The following FBXW8 variants were observed in gnomAD, a reference collection of about 807,000 sequenced individuals.
The protein encoded by FBXW8 is F-box and WD repeat domain containing 8.
Under a neutral mutation model 65.3 loss-of-function variants are expected in FBXW8, and 57 were observed. The observed-to-expected ratio is 0.87, with a 90% CI of 0.71 to 1.09. The LOEUF (loss-of-function observed/expected upper bound fraction) is 1.09, where lower values mean the gene tolerates loss of function less well. Among genes scored for constraint, FBXW8 ranks in the 50% least tolerant of loss-of-function variants. FBXW8 has a pLI of 0.00. For missense variants in FBXW8, 777 were observed against 814.8 expected (o/e 0.95, Z 0.57); for synonymous variants, 308 against 330.2 (o/e 0.93, Z 0.73).
At chr12:116,978,651 C>T (rs1885108071) in intron 5 of FBXW8, 1 of 152,100 alleles carries the variant, frequency 6.6e-6, no homozygotes, top group Non-Finnish European at 1.5e-5. Context: ...GATGGGAGCT[C>T]GCGGCTGAAA....
At chr12:116,917,471 C>A (rs149559262) in intron 1 of FBXW8, among the ~76,000 whole-genome samples, 1 of 152,234 alleles carries the variant, frequency 6.6e-6, no homozygotes, top group African/African-American at 2.4e-5. Context: ...TCCCTGCCCC[C>A]GTTTCTTCTC....
intron 4 of FBXW8, among the ~76,000 whole-genome samples, chr12:116,951,655 G>T (rs535586553): frequency 6.6e-6 from 1 of 152,202 alleles, no homozygotes; most frequent in South Asian, 2.1e-4. Context: ...CATCATTGAT[G>T]GAGAGCAGAA....
At chr12:116,938,932 G>A (rs1358545129) in intron 2 of FBXW8, among the ~76,000 whole-genome samples, 2 of 152,160 alleles carry the variant, frequency 1.3e-5, no homozygotes, top group Admixed American at 1.3e-4. Context: ...GTGCATCCAT[G>A]GGATCTCTGT....
intron 5 of FBXW8, among the ~76,000 whole-genome samples, chr12:116,970,824 C>T (rs1884606563): frequency 1.3e-5 from 2 of 152,054 alleles, no homozygotes. Flanking sequence ...TTTTCAAGGC[C>T]TTTGTTTTCC....
chr12:116,953,433 T>C (rs866576096), intron 4 of FBXW8, among the ~76,000 whole-genome samples: 1 of 152,186 alleles, frequency 6.6e-6, no homozygotes, highest in Admixed American at 6.5e-5. Context: ...TTGGCTATTA[T>C]AGCATCATTT....
chr12:117,019,362 T>C (rs1313949512), intron 8 of FBXW8, among the ~76,000 whole-genome samples: 3 of 152,226 alleles, frequency 2.0e-5, no homozygotes, highest in Non-Finnish European at 4.4e-5. Context: ...CTTGTTAATG[T>C]TGGCCACATA....
chr12:116,983,183 A>G (rs1283840515), intron 5 of FBXW8, among the ~76,000 whole-genome samples: 1 of 152,196 alleles, frequency 6.6e-6, no homozygotes, highest in Non-Finnish European at 1.5e-5. Context: ...AACAAATGCA[A>G]TGCAGAGTGT....
At chr12:116,995,161 A>T (rs1953345489) in intron 7 of FBXW8, among the ~76,000 whole-genome samples, 1 of 152,226 alleles carries the variant, frequency 6.6e-6, no homozygotes, top group Non-Finnish European at 1.5e-5. Flanking sequence ...GTGTAGCATG[A>T]CTGACAGCCC....
chr12:116,928,013 T>G lies in FBXW8; in HGVS notation c.319-10T>G. 1 of 1,509,816 alleles carries G rather than the reference T, an allele frequency of 6.6e-7. No homozygotes were observed. The highest frequency in any genetic ancestry group is 9.0e-7 in the Non-Finnish European group (1 of 1,109,208). The allele number at this position is 1,509,816 out of a possible 1,614,324, so 93.5% of individuals were successfully genotyped here. A position where few individuals can be genotyped will look rare whatever the true frequency, so the allele number is the denominator to read the frequency against. On this transcript the variant is annotated splice_polypyrimidine_tract_variant and intron_variant, in intron 1 of 10. Transcript: ENST00000652555. Reference sequence around the variant, plus strand: ...AATTATAAACTTCTTTCTTTTTTTTTTCCCCTCAGAATGAAATGAATGATG... The same window carrying G: ...AATTATAAACTTCTTTCTTTTTTTTGTCCCCTCAGAATGAAATGAATGATG...
intron 1 of FBXW8, among the ~76,000 whole-genome samples, chr12:116,915,819 A>G (rs988242915): frequency 6.6e-5 from 10 of 151,472 alleles, no homozygotes; most frequent in African/African-American, 9.7e-5. Flanking sequence ...CGGCCTGCTC[A>G]TTTTTGTATC....
chr12:117,004,665 G>C (rs1045973882), intron 7 of FBXW8, among the ~76,000 whole-genome samples: 1 of 152,192 alleles, frequency 6.6e-6, no homozygotes, highest in Non-Finnish European at 1.5e-5. Context: ...TAAGCTCTCT[G>C]CACCAATAGA....
intron 5 of FBXW8, among the ~76,000 whole-genome samples, chr12:116,977,018 C>T (rs565535935): frequency 6.6e-6 from 1 of 152,150 alleles, no homozygotes; most frequent in Non-Finnish European, 1.5e-5. Flanking sequence ...GAGAGCCCCA[C>T]CCCAGACATC....
intron 5 of FBXW8, among the ~76,000 whole-genome samples, chr12:116,976,738 T>C (rs1042849710): frequency 6.6e-6 from 1 of 152,010 alleles, no homozygotes; most frequent in African/African-American, 2.4e-5. Context: ...GAGAATACTT[T>C]TTAAAGAATA....
intron 7 of FBXW8, among the ~76,000 whole-genome samples, chr12:116,997,370 GA>G: frequency 6.6e-6 from 1 of 152,316 alleles, no homozygotes; most frequent in African/African-American, 2.4e-5. Flanking sequence ...AAATATAGGG[GA>G]AAGTTCCTTT....
intron 4 of FBXW8, among the ~76,000 whole-genome samples, chr12:116,955,048 G>C (rs111909638): frequency 0.036 from 5,287 of 146,860 alleles, 355 homozygotes; most frequent in African/African-American, 0.12. Flanking sequence ...GGGGGGGGGG[G>C]CCCTGTATTA....
chr12:116,996,106 A>G (rs540029840), intron 7 of FBXW8, among the ~76,000 whole-genome samples: 1 of 152,244 alleles, frequency 6.6e-6, no homozygotes, highest in East Asian at 1.9e-4. Flanking sequence ...TCTTAGCATC[A>G]TTCTATGTAT....
Position 116,912,493 on chromosome 12 carries a change from C to T in FBXW8, c.318+1138C>T, listed in dbSNP as rs1429147752. 5.2e-5 allele frequency among the ~76,000 whole-genome samples: 7 copies of T among 133,792 alleles called. No individual in the cohort carries two copies. In the South Asian group the frequency reaches 1.4e-3, roughly 27 times the overall value. 87.8% of individuals were successfully genotyped at this position (133,792 alleles called of 152,430 possible). A position where few individuals can be genotyped will look rare whatever the true frequency, so the allele number is the denominator to read the frequency against. Reference sequence around the variant, plus strand: ...TTTTTGAGACGGAGTCTCGCTCGCTCTGTCGCCCAGGCTGGAGTTGCAGTG... The same window carrying T: ...TTTTTGAGACGGAGTCTCGCTCGCTTTGTCGCCCAGGCTGGAGTTGCAGTG... On this transcript the variant is annotated intron_variant, in intron 1 of 10. Coordinates refer to ENST00000652555, the MANE Select transcript of FBXW8 (RefSeq NM_153348.3).
intron 1 of FBXW8, among the ~76,000 whole-genome samples, chr12:116,925,302 G>A (rs138558875): frequency 6.6e-6 from 1 of 152,284 alleles, no homozygotes; most frequent in East Asian, 1.9e-4. Flanking sequence ...TGCCTAGGAA[G>A]GGACTCAGCT....
intron 7 of FBXW8, among the ~76,000 whole-genome samples, chr12:117,007,520 C>G (rs1565938791): frequency 6.6e-6 from 1 of 152,214 alleles, no homozygotes; most frequent in Non-Finnish European, 1.5e-5. Context: ...AAGTGCTTCT[C>G]TAATATATAC....
Sources: gnomAD v4.1 joint callset for allele counts (sites outside exome capture counted in the v4.1 genomes callset) on GRCh38, gnomAD v4.1.1 for gene constraint, MANE v1.5 for transcripts, NCBI Gene and HGNC (gene_info 2026-07-23, HGNC 2026-07-21) for gene names.